TTC23: variants seen among roughly 807,000 people sequenced by gnomAD.
The protein encoded by TTC23 is tetratricopeptide repeat protein 23.
In TTC23, 58 loss-of-function variants were observed where a neutral mutation model predicts 55.1. That is an observed-to-expected ratio of 1.05 (90% CI 0.85 to 1.31). The LOEUF is 1.31. Among genes scored for constraint, TTC23 ranks in the 50% most tolerant of loss-of-function variants. The pLI is 0.00. For missense variants in TTC23, 516 were observed against 534.4 expected (o/e 0.97, Z 0.34); for synonymous variants, 203 against 199.9 (o/e 1.02, Z -0.13).
intron 9 of TTC23, among the ~76,000 whole-genome samples, chr15:99,183,788 G>A (rs1331009892): frequency 6.6e-6 from 1 of 152,158 alleles, no homozygotes. Flanking sequence ...CATAAGTAAC[G>A]AGGAGCTGAA....
Position 99,137,679 on chromosome 15 carries a change from G to A in TTC23, c.*331C>T, listed in dbSNP as rs143039553. On this transcript the variant is annotated 3_prime_UTR_variant, in exon 14 of 14. Coordinates refer to ENST00000394132, the MANE Select transcript of TTC23 (RefSeq NM_001288615.3). The stretch of plus-strand genomic sequence containing the variant: ...CAAGGAGCTGTGTGTACAAGCAGAT[G>A]CCGGGCTGACTCCTGCACAGGGCGC... 367 of 270,120 alleles carry A rather than the reference G, an allele frequency of 1.4e-3. 1 individual carries two copies. Among genetic ancestry groups the A allele is most frequent in the Non-Finnish European group, 8.1e-4 (112 of 138,626 alleles). 16.7% of individuals were successfully genotyped at this position (270,120 alleles called of 1,614,324 possible).
At chr15:99,214,858 T>TTTC (rs2077339783) in intron 8 of TTC23, among the ~76,000 whole-genome samples, 1 of 143,186 alleles carries the variant, frequency 7.0e-6, no homozygotes, top group Non-Finnish European at 1.5e-5. Context: ...TCTCCTTTTT[T>TTTC]TTTTTTTTTT....
chr15:99,210,106 T>C (rs1307639912), intron 8 of TTC23, among the ~76,000 whole-genome samples: 1 of 152,058 alleles, frequency 6.6e-6, no homozygotes, highest in Non-Finnish European at 1.5e-5. Flanking sequence ...TAGAGATATA[T>C]GATTATATAT....
chr15:99,197,905 CAAAAAAA>C (rs199825292), intron 9 of TTC23, among the ~76,000 whole-genome samples: 2 of 128,568 alleles, frequency 1.6e-5, no homozygotes, highest in Admixed American at 7.9e-5. Flanking sequence ...TCCGCTCAAA[CAAAAAAA>C]AAAAAGAAAA....
At chr15:99,151,558 T>A (rs1279226545) in intron 12 of TTC23, among the ~76,000 whole-genome samples, 1 of 152,242 alleles carries the variant, frequency 6.6e-6, no homozygotes, top group African/African-American at 2.4e-5. Context: ...TAGCTGAGGC[T>A]CAGCTGCATC....
At position 99,180,361 on chromosome 15, in the gene TTC23, A is replaced by G. The variant is rs550838878; in HGVS notation, c.760-5206T>C. Among the ~76,000 whole-genome samples the G allele has an allele frequency of 2.6e-5, 4 of 152,206 alleles. No homozygotes were observed. In the South Asian group the frequency reaches 6.2e-4, roughly 24 times the overall value. On this transcript the variant is annotated intron_variant, in intron 9 of 13. Coordinates refer to ENST00000394132, the MANE Select transcript of TTC23 (RefSeq NM_001288615.3). ...TCATTAATTAAAAAAAAAAAAAACA[A>G]AACTCATCCACAAGACCAAGGACCT...
chr15:99,166,292 C>A (rs1299748685), intron 10 of TTC23, among the ~76,000 whole-genome samples: 1 of 152,208 alleles, frequency 6.6e-6, no homozygotes, highest in African/African-American at 2.4e-5. Context: ...CTTCCCCTAA[C>A]TGCCCCGAAA....
chr15:99,207,415 G>A (rs2076709881), intron 8 of TTC23, among the ~76,000 whole-genome samples: 1 of 152,064 alleles, frequency 6.6e-6, no homozygotes, highest in African/African-American at 2.4e-5. Context: ...CAAATGTCTA[G>A]CAAACATATA....
At chr15:99,222,550 T>C (rs976543651) in intron 5 of TTC23, among the ~76,000 whole-genome samples, 2 of 152,168 alleles carry the variant, frequency 1.3e-5, no homozygotes, top group Non-Finnish European at 1.5e-5. Context: ...TGCACTAGCA[T>C]AGCAAATGAG....
intron 12 of TTC23, among the ~76,000 whole-genome samples, chr15:99,143,522 G>C (rs1263559885): frequency 6.6e-6 from 1 of 152,218 alleles, no homozygotes; most frequent in East Asian, 1.9e-4. Context: ...TCTTCTGAGA[G>C]GCAGATATGC....
chr15:99,249,866 T>A (rs2152111983), upstream of TTC23: 1 of 152,182 alleles, frequency 6.6e-6, no homozygotes, highest in East Asian at 1.9e-4. Flanking sequence ...AGTGGGGTCA[T>A]AAAGTATTAT....
In TTC23 at chr15:99,136,582, A is replaced by G. The variant is rs1555486967; in HGVS notation, c.*1428T>C. On this transcript the variant is annotated 3_prime_UTR_variant, in exon 14 of 14. Transcript: ENST00000394132. ...TCTCTGGTGTCTCTCCTTATAAAGC[A>G]CTAATCCCATTCATCAGGGCTCCAC... 2 of 152,176 alleles carry G rather than the reference A, an allele frequency of 1.3e-5. No homozygotes were observed. Among genetic ancestry groups the G allele is most frequent in the South Asian group, 4.2e-4 (2 of 4,810 alleles). The allele number at this position is 152,176 out of a possible 1,614,324, so 9.4% of individuals were successfully genotyped here.
In TTC23 at chr15:99,185,962, C is replaced by G. The variant is rs146111793; in HGVS notation, c.760-10807G>C. Among the ~76,000 whole-genome samples the G allele has an allele frequency of 6.6e-5, 10 of 152,202 alleles. 1 individual carries two copies. Among genetic ancestry groups the G allele is most frequent in the African/African-American group, 2.4e-4 (10 of 41,522 alleles). ...TTTCTCTCTGGGTATTTCTGTCACTCCAAAGGAATGAAGGGTGAAAAACAA... is the reference window on the plus strand; with the variant it reads ...TTTCTCTCTGGGTATTTCTGTCACTGCAAAGGAATGAAGGGTGAAAAACAA... On this transcript the variant is annotated intron_variant, in intron 9 of 13. Coordinates refer to ENST00000394132, the MANE Select transcript of TTC23 (RefSeq NM_001288615.3).
At chr15:99,185,226 A>C (rs2074549390) in intron 9 of TTC23, among the ~76,000 whole-genome samples, 2 of 152,232 alleles carry the variant, frequency 1.3e-5, no homozygotes, top group Admixed American at 6.5e-5. Flanking sequence ...GTTTAAAATT[A>C]AAAATAGCAT....
chr15:99,206,683 C>G (rs1262605044), intron 8 of TTC23, among the ~76,000 whole-genome samples: 1 of 151,970 alleles, frequency 6.6e-6, no homozygotes, highest in Non-Finnish European at 1.5e-5. Context: ...TCTGATTTTA[C>G]TCATTTGGGT....
Position 99,147,998 on chromosome 15 carries a change from T to C in TTC23, c.1143+8150A>G, listed in dbSNP as rs187293373. ...CCTAGGAAGGCTGTGTGTATTGGCC[T>C]GCTTGGAGGAATGGCTGGAATATAG... is the stretch of plus-strand genomic sequence containing the variant. On this transcript the variant is annotated intron_variant, in intron 12 of 13. Coordinates refer to ENST00000394132, the MANE Select transcript of TTC23 (RefSeq NM_001288615.3). Among the ~76,000 whole-genome samples the C allele has an allele frequency of 9.9e-5, 15 of 152,224 alleles. No homozygotes were observed. In the East Asian group the frequency reaches 2.9e-3, roughly 29 times the overall value.
chr15:99,178,776 A>G (rs75077681), intron 9 of TTC23, among the ~76,000 whole-genome samples: 2,620 of 152,356 alleles, frequency 0.017, 34 homozygotes, highest in Non-Finnish European at 0.028. Context: ...GAGATGGCAC[A>G]TGTAAACAGG....
intron 12 of TTC23, among the ~76,000 whole-genome samples, chr15:99,147,001 G>A (rs1388286695): frequency 1.3e-5 from 2 of 151,594 alleles, no homozygotes; most frequent in African/African-American, 2.4e-5. Flanking sequence ...TGCAACCTCT[G>A]CCTCCCAGGT....
intron 6 of TTC23, 108 bp from the exon 7 acceptor site, chr15:99,219,156 A>G: frequency 1.6e-6 from 2 of 1,275,562 alleles, no homozygotes; most frequent in Non-Finnish European, 2.2e-6. Context: ...CATATTGTCA[A>G]ATGACACATG....
Sources: allele counts gnomAD v4.1 joint callset (sites outside exome capture counted in the v4.1 genomes callset), GRCh38; gene constraint gnomAD v4.1.1; transcripts MANE v1.5; gene names NCBI Gene and HGNC (gene_info 2026-07-23, HGNC 2026-07-21).